The following FEZ2 variants were observed in gnomAD, a reference collection of about 807,000 sequenced individuals.
The protein encoded by FEZ2 is fasciculation and elongation protein zeta 2.
In FEZ2, 51 loss-of-function variants were observed where a neutral mutation model predicts 40.4. That is an observed-to-expected ratio of 1.26 (90% CI 1.01 to 1.59). FEZ2 has a LOEUF of 1.59. FEZ2 is among the 40% of genes most tolerant of loss of function. The pLI is 0.00. For synonymous variants in FEZ2, 242 were observed against 172.0 expected (o/e 1.41, Z -3.18); for missense variants, 640 against 438.3 (o/e 1.46, Z -4.11).
intron 5 of FEZ2, among the ~76,000 whole-genome samples, chr2:36,572,329 G>A (rs959029932): frequency 1.3e-5 from 2 of 152,060 alleles, no homozygotes; most frequent in African/African-American, 4.8e-5. Context: ...CCCAAGAAAA[G>A]GAACAATTCA....
chr2:36,560,689 G>T, intron 5 of FEZ2: 1 of 691,252 alleles, frequency 1.4e-6, no homozygotes, highest in Non-Finnish European at 2.5e-6. Flanking sequence ...GTTAAGCAAT[G>T]GTCTTAGTAA....
chr2:36,557,920 C>T (rs914626569), intron 6 of FEZ2: 1 of 152,060 alleles, frequency 6.6e-6, no homozygotes, highest in Non-Finnish European at 1.5e-5. Flanking sequence ...CCCAAGTGCC[C>T]AGATCATGGC....
intron 6 of FEZ2, 158 bp downstream of exon 6, chr2:36,558,280 G>T: frequency 2.2e-6 from 1 of 453,234 alleles, no homozygotes. Context: ...TAATGTCACA[G>T]CCATTTTTGG....
intron 2 of FEZ2, among the ~76,000 whole-genome samples, chr2:36,585,930 T>TA (rs1324531764): frequency 3.3e-5 from 5 of 152,226 alleles, no homozygotes; most frequent in African/African-American, 1.2e-4. Context: ...TGTTATCTGC[T>TA]AAAAGAAATA....
At chr2:36,559,241 G>A (rs1479217239) in intron 5 of FEZ2, 3 of 152,114 alleles carry the variant, frequency 2.0e-5, no homozygotes, top group Non-Finnish European at 2.9e-5. Flanking sequence ...AAGTAACAGC[G>A]CCATGTCTTT....
chr2:36,597,718 C>T (rs1030716466), intron 1 of FEZ2, among the ~76,000 whole-genome samples, 159 bp downstream of exon 1: 36 of 152,158 alleles, frequency 2.4e-4, no homozygotes, highest in African/African-American at 8.4e-4. Context: ...AATTGCTGGG[C>T]GAGCCGAGGC....
chr2:36,587,103 T>A (rs530952189), intron 2 of FEZ2, among the ~76,000 whole-genome samples: 78 of 152,358 alleles, frequency 5.1e-4, no homozygotes, highest in African/African-American at 1.8e-3. Context: ...CTGAAATGAA[T>A]GATAAGCATT....
intron 4 of FEZ2, 43 bp downstream of exon 4, chr2:36,581,247 G>A (rs749005530): frequency 1.3e-6 from 2 of 1,583,370 alleles, no homozygotes; most frequent in Non-Finnish European, 8.7e-7. Flanking sequence ...ATTTGATACA[G>A]ACAAAAAGCA....
At chr2:36,566,697 C>T (rs185364402) in intron 5 of FEZ2, among the ~76,000 whole-genome samples, 133 of 152,226 alleles carry the variant, frequency 8.7e-4, no homozygotes, top group African/African-American at 3.1e-3. Context: ...AATTTTTAAA[C>T]GGTCAACTTG....
At chr2:36,557,846 T>A (rs557181696) in intron 6 of FEZ2, 1 of 150,574 alleles carries the variant, frequency 6.6e-6, no homozygotes, top group East Asian at 1.9e-4. Flanking sequence ...AATCTAACAA[T>A]TTTTTTTTTA....
chr2:36,584,430 A>T (rs755901197), intron 2 of FEZ2, among the ~76,000 whole-genome samples: 11 of 152,336 alleles, frequency 7.2e-5, no homozygotes, highest in African/African-American at 2.6e-4. Context: ...ACAGCCTTAG[A>T]GTTTAGTACC....
chr2:36,591,304 A>G (rs1384947601), intron 1 of FEZ2: 1 of 330,424 alleles, frequency 3.0e-6, no homozygotes, highest in African/African-American at 2.1e-5. Flanking sequence ...TGTTCTAAGC[A>G]ATTTACATGT....
chr2:36,576,104 G>A (rs896467383), intron 5 of FEZ2, among the ~76,000 whole-genome samples: 56 of 152,168 alleles, frequency 3.7e-4, no homozygotes, highest in Admixed American at 3.7e-3. Context: ...AAGACTGCAT[G>A]TGATATAAAA....
intron 6 of FEZ2, chr2:36,556,162 CTT>C (rs151085754): frequency 0.019 from 7,511 of 398,386 alleles, 97 homozygotes; most frequent in Admixed American, 0.034. Context: ...TAGAGAAACT[CTT>C]AAAGAAATGG....
At chr2:36,576,657 A>T (rs1390943438) in intron 5 of FEZ2, among the ~76,000 whole-genome samples, 1 of 152,254 alleles carries the variant, frequency 6.6e-6, no homozygotes, top group Non-Finnish European at 1.5e-5. Flanking sequence ...TTTGACACAA[A>T]TTGTAAATCA....
intron 7 of FEZ2, among the ~76,000 whole-genome samples, chr2:36,553,770 G>C (rs1301316003): frequency 1.3e-5 from 2 of 152,032 alleles, no homozygotes; most frequent in African/African-American, 4.8e-5. Context: ...GGTGTATTTA[G>C]GCAGCCAAGC....
At position 36,595,856 on chromosome 2, in the gene FEZ2, G is replaced by A. The variant is rs116951747; in HGVS notation, c.266+2021C>T. On this transcript the variant is annotated intron_variant, in intron 1 of 7. Coordinates refer to ENST00000405912, the MANE Select transcript of FEZ2 (RefSeq NM_005102.3). ...CATCTACTAAATACCATTAACAAGA[G>A]CGACAAAATATTTTTAAGCAAAGGC... Among the ~76,000 whole-genome samples, 53 of 152,240 alleles carry A rather than the reference G, an allele frequency of 3.5e-4. 1 individual carries two copies. In the East Asian group the frequency reaches 4.6e-3, roughly 13 times the overall value.
At chr2:36,583,874 T>C (rs907225600) in intron 2 of FEZ2, among the ~76,000 whole-genome samples, 1 of 152,172 alleles carries the variant, frequency 6.6e-6, no homozygotes, top group South Asian at 2.1e-4. Context: ...ACTTCTAATA[T>C]CTGAGTAAAA....
chr2:36,577,126 G>A (rs913518790), intron 5 of FEZ2, among the ~76,000 whole-genome samples: 1 of 152,142 alleles, frequency 6.6e-6, no homozygotes, highest in Non-Finnish European at 1.5e-5. Flanking sequence ...TCAAACAAAT[G>A]TGGGTTGGTT....
Sources: allele counts gnomAD v4.1 joint callset (sites outside exome capture counted in the v4.1 genomes callset), GRCh38; gene constraint gnomAD v4.1.1; transcripts MANE v1.5; gene names NCBI Gene and HGNC (gene_info 2026-07-23, HGNC 2026-07-21).